The following CAPN8 variants were observed in gnomAD, a reference collection of about 807,000 sequenced individuals.
The protein encoded by CAPN8 is calpain 8, also known as calpain-8.
In CAPN8, 87 loss-of-function variants were observed where a neutral mutation model predicts 80.9. That is an observed-to-expected ratio of 1.07 (90% confidence interval 0.90 to 1.28). The LOEUF is 1.28. Among genes scored for constraint, CAPN8 ranks in the 50% most tolerant of loss-of-function variants. The pLI, the probability that CAPN8 is intolerant of heterozygous loss-of-function variation, is 0.00. For synonymous variants in CAPN8, 299 were observed against 273.8 expected (o/e 1.09, Z -0.91); for missense variants, 757 against 702.0 (o/e 1.08, Z -0.89).
intron 15 of CAPN8, 44 bp downstream of exon 15, chr1:223,550,916 G>C (rs1290398484): frequency 5.6e-6 from 4 of 713,350 alleles, no homozygotes; most frequent in Non-Finnish European, 1.0e-5. Flanking sequence ...CCCTGCCCCA[G>C]CATCTCCTAC....
At chr1:223,640,411 T>C (rs577471673) in intron 2 of CAPN8, among the ~76,000 whole-genome samples, 6 of 152,300 alleles carry the variant, frequency 3.9e-5, no homozygotes, top group African/African-American at 1.4e-4. Flanking sequence ...ACTGAAATGA[T>C]ACCAGGAAGT....
intron 2 of CAPN8, among the ~76,000 whole-genome samples, chr1:223,638,132 T>G (rs1424144795): frequency 6.6e-6 from 1 of 152,184 alleles, no homozygotes; most frequent in East Asian, 1.9e-4. Flanking sequence ...GACTTTTTTC[T>G]TATCATGATT....
intron 2 of CAPN8, among the ~76,000 whole-genome samples, chr1:223,637,186 A>G (rs1657915583): frequency 6.6e-6 from 1 of 152,214 alleles, no homozygotes; most frequent in Non-Finnish European, 1.5e-5. Flanking sequence ...TCCAAATGAT[A>G]CAGATGCCAA....
chr1:223,646,447 C>T (rs1363655169), intron 2 of CAPN8, among the ~76,000 whole-genome samples: 1 of 152,238 alleles, frequency 6.6e-6, no homozygotes, highest in African/African-American at 2.4e-5. Context: ...CTGAAGGTGA[C>T]AGAGGCCTTA....
intron 18 of CAPN8, 112 bp downstream of exon 18, chr1:223,544,660 C>A (rs537935536): frequency 8.6e-5 from 125 of 1,449,430 alleles, no homozygotes; most frequent in Non-Finnish European, 1.1e-4. Context: ...GCCTTGATAT[C>A]CCATATAAGA....
In CAPN8 at chr1:223,627,216, T is replaced by A. The variant is rs190010918; in HGVS notation, c.561-59A>T. 1.0e-5 allele frequency: 16 copies of A among 1,523,954 alleles called. No homozygotes were observed. The Admixed American group carries it at 3.2e-4, about 30-fold the overall frequency. 94.4% of individuals were successfully genotyped at this position (1,523,954 alleles called of 1,614,324 possible). On this transcript the variant is annotated intron_variant, in intron 4 of 20. Transcript: ENST00000366872. ...CACCCTCAGCAAGGAGACCCGGGGA[T>A]TGGGGACCGGGACAGTGCTAGGACA...
intron 2 of CAPN8, among the ~76,000 whole-genome samples, chr1:223,633,167 A>G (rs886272866): frequency 6.6e-5 from 10 of 152,198 alleles, no homozygotes; most frequent in African/African-American, 2.2e-4. Flanking sequence ...CTTGTAGCCC[A>G]AGGTTTTTCT....
intron 20 of CAPN8, among the ~76,000 whole-genome samples, chr1:223,542,623 C>T (rs1335493226): frequency 1.3e-5 from 2 of 152,184 alleles, no homozygotes; most frequent in Non-Finnish European, 2.9e-5. Context: ...GTAAAGGCCT[C>T]TGTCGTACAG....
At chr1:223,611,827 G>A (rs1657037307) in intron 11 of CAPN8, among the ~76,000 whole-genome samples, 1 of 152,226 alleles carries the variant, frequency 6.6e-6, no homozygotes, top group South Asian at 2.1e-4. Flanking sequence ...AGCCTTGCTG[G>A]CACATGCTTC....
chr1:223,641,525 A>G lies in CAPN8; in HGVS notation c.308-12745T>C, dbSNP rs532317816. 3.9e-5 allele frequency among the ~76,000 whole-genome samples: 6 copies of G among 152,224 alleles called. No individual in the cohort carries two copies. The South Asian group carries it at 1.2e-3, about 32-fold the overall frequency. ...CCACACTGCAGCAAATCTGGCTATAAGCAGCCCTGCTTTAAAATCTTACAT... is the reference window on the plus strand; with the variant it reads ...CCACACTGCAGCAAATCTGGCTATAGGCAGCCCTGCTTTAAAATCTTACAT... On this transcript the variant is annotated intron_variant, in intron 2 of 20. Transcript: ENST00000366872.
intron 2 of CAPN8, among the ~76,000 whole-genome samples, chr1:223,629,197 A>AGTGTGTGTGTGTGTGTGTGTGTGTGT (rs113967295): frequency 6.5e-4 from 62 of 95,290 alleles, no homozygotes; most frequent in East Asian, 1.4e-3. Flanking sequence ...TACGTGTAAG[A>AGTGTGTGTGTGTGTGTGTGTGTGTGT]GTGTGTGTGT....
At chr1:223,648,503 A>C (rs1455686409) in intron 2 of CAPN8, among the ~76,000 whole-genome samples, 2 of 152,210 alleles carry the variant, frequency 1.3e-5, no homozygotes, top group African/African-American at 4.8e-5. Flanking sequence ...GTGATCTTAA[A>C]GATGCTGACA....
At position 223,548,875 on chromosome 1, in the gene CAPN8, T is replaced by C. The variant is rs554254920; in HGVS notation, c.1764+443A>G. ...ATCAGTAGTAGCTGTCCACAAGCCATGTTAAGATTCTGAAGCAAAGATCAG... is the reference window on the plus strand; with the variant it reads ...ATCAGTAGTAGCTGTCCACAAGCCACGTTAAGATTCTGAAGCAAAGATCAG... On this transcript the variant is annotated intron_variant, in intron 16 of 20. Coordinates refer to ENST00000366872, the MANE Select transcript of CAPN8 (RefSeq NM_001143962.2). 2.7e-5 allele frequency among the ~76,000 whole-genome samples: 4 copies of C among 148,722 alleles called. No individual in the cohort carries two copies. In the East Asian group the frequency reaches 5.9e-4, roughly 22 times the overall value.
At chr1:223,648,695 G>C (rs1215461203) in intron 2 of CAPN8, among the ~76,000 whole-genome samples, 1 of 152,126 alleles carries the variant, frequency 6.6e-6, no homozygotes, top group Non-Finnish European at 1.5e-5. Flanking sequence ...CATATGAAAA[G>C]GTCCAGTCAT....
At position 223,620,289 on chromosome 1, in the gene CAPN8, T is replaced by C. The variant is rs535552499; in HGVS notation, c.900-23A>G. 4 of 1,547,380 alleles carry C rather than the reference T, an allele frequency of 2.6e-6. No homozygotes were observed. The African/African-American group carries it at 5.5e-5, about 21-fold the overall frequency. Reference sequence around the variant, plus strand: ...GCACTGAGGGGAAAACAAGCAGAGATGCTCGCTCCTGAGAGGTTCTACAAG... The same window carrying C: ...GCACTGAGGGGAAAACAAGCAGAGACGCTCGCTCCTGAGAGGTTCTACAAG... On this transcript the variant is annotated intron_variant, in intron 7 of 20. Coordinates refer to ENST00000366872, the MANE Select transcript of CAPN8 (RefSeq NM_001143962.2).
intron 2 of CAPN8, among the ~76,000 whole-genome samples, chr1:223,645,000 C>T (rs534254903): frequency 8.5e-4 from 130 of 152,216 alleles, no homozygotes; most frequent in Middle Eastern, 3.4e-3. Context: ...CACAATAAGC[C>T]GTCTGCAAGC....
At chr1:223,619,575 C>G (rs908557397) in intron 8 of CAPN8, 122 bp from the exon 9 acceptor site, 4 of 949,760 alleles carry the variant, frequency 4.2e-6, no homozygotes, top group Admixed American at 4.9e-5. Flanking sequence ...CTAGCTTGAT[C>G]TTTCCTACAG....
intron 1 of CAPN8, among the ~76,000 whole-genome samples, chr1:223,659,882 C>T (rs146954989): frequency 1.4e-3 from 214 of 152,306 alleles, no homozygotes; most frequent in African/African-American, 4.0e-3. Context: ...ATCTACCTGA[C>T]GCACGAGCTC....
intron 12 of CAPN8, among the ~76,000 whole-genome samples, 193 bp downstream of exon 12, chr1:223,608,960 C>T (rs1431788156): frequency 5.4e-5 from 8 of 148,796 alleles, no homozygotes; most frequent in Admixed American, 1.4e-4. Flanking sequence ...TCTTTCTCTC[C>T]GTGACCTATA....
Sources: allele counts gnomAD v4.1 joint callset (sites outside exome capture counted in the v4.1 genomes callset), GRCh38; gene constraint gnomAD v4.1.1; transcripts MANE v1.5; gene names NCBI Gene and HGNC (gene_info 2026-07-23, HGNC 2026-07-21).